Variants in TJP3 observed in about 807,000 individuals in gnomAD.
TJP3 encodes tight junction protein 3.
Under a neutral mutation model 104.2 loss-of-function variants are expected in TJP3, and 85 were observed. The ratio of observed to expected loss-of-function variants is 0.82; its 90% CI spans 0.68 to 0.98. The LOEUF (loss-of-function observed/expected upper bound fraction) is 0.98. Among genes scored for constraint, TJP3 ranks in the 50% least tolerant of loss-of-function variants. TJP3 has a pLI of 0.00. For synonymous variants in TJP3, 550 were observed against 550.6 expected (o/e 1.00, Z 0.02); for missense variants, 1,367 against 1,322.8 (o/e 1.03, Z -0.52).
chr19:3,718,813 A>T (rs2036515773), intron 1 of TJP3, among the ~76,000 whole-genome samples: 1 of 151,922 alleles, frequency 6.6e-6, no homozygotes, highest in South Asian at 2.1e-4. Flanking sequence ...GCAGCCACGA[A>T]CCTTGACGTG....
intron 3 of TJP3, among the ~76,000 whole-genome samples, chr19:3,729,781 C>CA (rs35091592): frequency 0.63 from 75,587 of 120,298 alleles, 22,055 homozygotes; most frequent in Admixed American, 0.71. Context: ...GACTCTGTCT[C>CA]AAAAAAAAAA....
Position 3,730,279 on chromosome 19 carries a change from G to A in TJP3, c.262-76G>A. The A allele has an allele frequency of 6.7e-7, 1 of 1,496,710 alleles. No homozygotes were observed. The highest frequency in any genetic ancestry group is 1.3e-5 in the South Asian group (1 of 77,938). 92.7% of individuals were successfully genotyped at this position (1,496,710 alleles called of 1,614,324 possible). A position where few individuals can be genotyped will look rare whatever the true frequency, so the allele number is the denominator to read the frequency against. On this transcript the variant is annotated intron_variant, in intron 4 of 20. Transcript: ENST00000541714. The surrounding 1 kb of genome is among the most constrained non-coding windows in gnomAD (Gnocchi z 7.3). Reference sequence around the variant, plus strand: ...CCCAGAGAGAGACTGGTGTCCCCCAGGGCCACCCGGGGGCTGAGCAGAGCC... The same window carrying A: ...CCCAGAGAGAGACTGGTGTCCCCCAAGGCCACCCGGGGGCTGAGCAGAGCC...
At chr19:3,744,286 T>C (rs1178605553) in intron 15 of TJP3, among the ~76,000 whole-genome samples, 3 of 152,204 alleles carry the variant, frequency 2.0e-5, no homozygotes, top group Non-Finnish European at 4.4e-5. Context: ...CCACCTGTTA[T>C]TTGTTTAAGA....
chr19:3,733,763 T>A lies in TJP3; in HGVS notation c.728T>A (p.Val243Glu). Residue 243 changes from valine to glutamate, a missense_variant, in exon 7 of 21, where the codon GTG becomes GAG. By Grantham distance (121) the Val-to-Glu change is moderately radical. Coordinates refer to ENST00000541714, the MANE Select transcript of TJP3 (RefSeq NM_001267560.2). Reference sequence around the variant, plus strand: ...CCTGGTCCCTTTCAGATCAACGGGGTGTCTAGCCAGAACCTGTCACTGAAC... The same window carrying A: ...CCTGGTCCCTTTCAGATCAACGGGGAGTCTAGCCAGAACCTGTCACTGAAC... ...EGDLILQING[V>E]SSQNLSLNDT... The A allele has an allele frequency of 6.2e-7, 1 of 1,614,052 alleles. No individual in the cohort carries two copies. Among genetic ancestry groups the A allele is most frequent in the South Asian group, 1.1e-5 (1 of 91,074 alleles).
In TJP3 at chr19:3,724,528, C is replaced by G. The variant is rs574966902; in HGVS notation, c.-9-3896C>G. 2.6e-5 allele frequency among the ~76,000 whole-genome samples: 4 copies of G among 152,002 alleles called. No homozygotes were observed. In the South Asian group the frequency reaches 6.2e-4, roughly 24 times the overall value. On this transcript the variant is annotated intron_variant, in intron 1 of 20. Coordinates refer to ENST00000541714, the MANE Select transcript of TJP3 (RefSeq NM_001267560.2). The stretch of plus-strand genomic sequence containing the variant: ...CTCTTAAAGTCAGGAAATACAAATT[C>G]CTTGGGGCCATTTAAAAATTTTTTT...
chr19:3,728,359 G>A (rs1392904032), intron 1 of TJP3, 65 bp from the exon 2 acceptor site: 5 of 1,613,096 alleles, frequency 3.1e-6, no homozygotes, highest in Non-Finnish European at 4.2e-6. Flanking sequence ...CTGAGCTGGG[G>A]ACCCCCAAGT....
intron 1 of TJP3, among the ~76,000 whole-genome samples, chr19:3,727,763 G>A (rs2036615745): frequency 1.3e-5 from 2 of 152,218 alleles, no homozygotes; most frequent in Non-Finnish European, 2.9e-5. Context: ...CTGGCGTGGT[G>A]GTGGGCACCT....
At chr19:3,725,247 G>C (rs2036584895) in intron 1 of TJP3, among the ~76,000 whole-genome samples, 1 of 149,744 alleles carries the variant, frequency 6.7e-6, no homozygotes. Flanking sequence ...GGGCAACAGA[G>C]TGAAACCCCG....
intron 1 of TJP3, among the ~76,000 whole-genome samples, chr19:3,717,355 G>A (rs4566296): frequency 0.47 from 62,459 of 131,726 alleles, 17,253 homozygotes; most frequent in East Asian, 0.95. Context: ...CGGCCGCCTT[G>A]GCCATCCAAA....
intron 20 of TJP3, 42 bp from the exon 21 acceptor site, chr19:3,750,540 C>A: frequency 1.3e-6 from 2 of 1,507,134 alleles, no homozygotes; most frequent in Non-Finnish European, 1.8e-6. Flanking sequence ...AAAGCTCACA[C>A]CCTTCCCACC....
intron 7 of TJP3, 143 bp from the exon 8 acceptor site, chr19:3,734,184 G>C: frequency 2.0e-6 from 2 of 985,900 alleles, no homozygotes; most frequent in Admixed American, 4.8e-5. Flanking sequence ...ACCGTGCCCA[G>C]CTCCAGAGCC....
intron 1 of TJP3, among the ~76,000 whole-genome samples, chr19:3,711,746 A>AG: frequency 7.5e-6 from 1 of 133,450 alleles, no homozygotes; most frequent in African/African-American, 2.7e-5. Flanking sequence ...CAAAAAAAAA[A>AG]AAAAAGGTGC....
At chr19:3,722,866 G>GGGGGC (rs1458102298) in intron 1 of TJP3, among the ~76,000 whole-genome samples, 13 of 101,200 alleles carry the variant, frequency 1.3e-4, no homozygotes, top group Admixed American at 2.4e-4. Flanking sequence ...CGGGGGGGGG[G>GGGGGC]GGCACAGGGG....
rs531862475 is a variant in TJP3 at position 3,738,975 on chromosome 19, C to T, written c.1472C>T (p.Pro491Leu). ...CACTTTGAGCTGGAGCCCAGTCCAC[C>T]GTCTGGCCTGGGCTTCACCCGTGGC... The part of the protein sequence containing the change: ...RTHFELEPSP[P>L]SGLGFTRGDV... Residue 491 changes from proline to leucine, a missense_variant, in exon 13 of 21, where the codon CCG (proline) becomes CTG (leucine). Pro to Leu is a moderately conservative substitution (Grantham distance 98). Transcript: ENST00000541714. The T allele has an allele frequency of 5.0e-5, 81 of 1,612,452 alleles. No individual in the cohort carries two copies. The South Asian group carries it at 6.5e-4, about 13-fold the overall frequency.
At chr19:3,732,652 G>A (rs1599153815) in intron 6 of TJP3, among the ~76,000 whole-genome samples, 1 of 152,060 alleles carries the variant, frequency 6.6e-6, no homozygotes, top group African/African-American at 2.4e-5. Flanking sequence ...TGGGATTACA[G>A]GTGCCCGCCA....
At position 3,733,799 on chromosome 19, in the gene TJP3, G is replaced by A. The variant is rs775329238; in HGVS notation, c.764G>A (p.Arg255Gln). 1.9e-6 allele frequency: 3 copies of A among 1,614,188 alleles called. No homozygotes were observed. The highest frequency in any genetic ancestry group is 1.1e-5 in the South Asian group (1 of 91,072). Residue 255 changes from arginine to glutamine, a missense_variant, in exon 7 of 21, where the codon CGA (arginine) becomes CAA (glutamine). By Grantham distance (43) the Arg-to-Gln change is conservative (BLOSUM62 1). Coordinates refer to ENST00000541714, the MANE Select transcript of TJP3 (RefSeq NM_001267560.2). ...SQNLSLNDTR[R>Q]LIEKSEGKLS... ...AACCTGTCACTGAACGACACCCGGC[G>A]ACTGATTGAGAAGTCAGAAGGGAAG...
chr19:3,730,187 G>T lies in TJP3; in HGVS notation c.261+57G>T. 1 of 1,574,600 alleles carries T rather than the reference G, an allele frequency of 6.4e-7. No homozygotes were observed. Among genetic ancestry groups the T allele is most frequent in the South Asian group, 1.1e-5 (1 of 90,328 alleles). On this transcript the variant is annotated intron_variant, in intron 4 of 20. Coordinates refer to ENST00000541714, the MANE Select transcript of TJP3 (RefSeq NM_001267560.2). This position sits in a 1 kb window ranked among gnomAD's most constrained non-coding sequence, Gnocchi z 7.3. Reference sequence around the variant, plus strand: ...CTCTGACCCCAGCCTGGGTCGTGCCGCTGTGGGGGTTGTAAGCTTCTGAGA... The same window carrying T: ...CTCTGACCCCAGCCTGGGTCGTGCCTCTGTGGGGGTTGTAAGCTTCTGAGA...
intron 1 of TJP3, among the ~76,000 whole-genome samples, chr19:3,709,828 C>T (rs527554316): frequency 9.2e-5 from 14 of 152,154 alleles, no homozygotes; most frequent in African/African-American, 2.6e-4. Flanking sequence ...CCCTTCTCTC[C>T]GGGCCTCTGT....
At chr19:3,723,808 A>AAATATAT (rs368301716) in intron 1 of TJP3, among the ~76,000 whole-genome samples, 12 of 128,938 alleles carry the variant, frequency 9.3e-5, no homozygotes, top group South Asian at 2.5e-4. Context: ...AAAAAAAAAA[A>AAATATAT]ATATATATAT....
Sources: gnomAD v4.1 joint callset for allele counts (sites outside exome capture counted in the v4.1 genomes callset) on GRCh38, gnomAD v4.1.1 for gene constraint, Gnocchi (gnomAD v3.1) non-coding constraint, MANE v1.5 for transcripts, NCBI Gene and HGNC (gene_info 2026-07-23, HGNC 2026-07-21) for gene names.